QTGAL: variants seen among roughly 807,000 people sequenced by gnomAD.
QTGAL encodes the protein BGnT-like protein 1.
At chr17:83,007,833 A>G in the QTGAL span, among the ~76,000 whole-genome samples, 3 of 152,180 alleles carry the variant, frequency 2.0e-5, no homozygotes, top group Admixed American at 6.5e-5. Context: ...TTAATTAACC[A>G]CGAGCCACGA....
chr17:83,023,883 A>C, the QTGAL span, among the ~76,000 whole-genome samples: 1 of 152,150 alleles, frequency 6.6e-6, no homozygotes, highest in African/African-American at 2.4e-5. Context: ...GGTGGGACAA[A>C]ATGTGTCATC....
At chr17:83,041,874 C>T in the QTGAL span, among the ~76,000 whole-genome samples, 14 of 152,028 alleles carry the variant, frequency 9.2e-5, no homozygotes, top group African/African-American at 2.9e-4. Context: ...AGTCATCTTT[C>T]AAAAATGAAG....
chr17:83,006,675 C>T, the QTGAL span: 20 of 985,472 alleles, frequency 2.0e-5, no homozygotes, highest in South Asian at 4.7e-5. The surrounding 1 kb of genome is among the most constrained non-coding windows in gnomAD (Gnocchi z 5.8). Context: ...GAGCATGATC[C>T]GGGAACGTGC....
the QTGAL span, among the ~76,000 whole-genome samples, chr17:83,012,940 A>C: frequency 6.6e-6 from 1 of 151,730 alleles, no homozygotes; most frequent in South Asian, 2.1e-4. Flanking sequence ...CCCGACAAGC[A>C]GACACTCTCG....
chr17:83,031,503 G>A, the QTGAL span, among the ~76,000 whole-genome samples: 1 of 152,166 alleles, frequency 6.6e-6, no homozygotes, highest in African/African-American at 2.4e-5. Flanking sequence ...GTCCCTCGCA[G>A]GACTGGCGCC....
the QTGAL span, among the ~76,000 whole-genome samples, chr17:83,009,473 G>A: frequency 6.6e-6 from 1 of 152,040 alleles, no homozygotes; most frequent in Non-Finnish European, 1.5e-5. Flanking sequence ...CACACAGAAA[G>A]GAACTGAGAC....
chr17:83,045,502 C>T, the QTGAL span, among the ~76,000 whole-genome samples: 5 of 152,182 alleles, frequency 3.3e-5, no homozygotes, highest in East Asian at 1.9e-4. Context: ...ATAAAATCTT[C>T]GTGACCTTGA....
chr17:82,955,072 T>C, the QTGAL span, among the ~76,000 whole-genome samples: 3 of 152,190 alleles, frequency 2.0e-5, no homozygotes, highest in African/African-American at 7.2e-5. Context: ...GGGCAAGGAC[T>C]TCATGACTAA....
the QTGAL span, among the ~76,000 whole-genome samples, chr17:83,007,922 C>A: frequency 6.6e-6 from 1 of 152,228 alleles, no homozygotes; most frequent in Non-Finnish European, 1.5e-5. Flanking sequence ...AGGCAGCAAG[C>A]TCTCTCCCGT....
the QTGAL span, among the ~76,000 whole-genome samples, chr17:82,961,923 G>T: frequency 6.6e-6 from 1 of 152,150 alleles, no homozygotes; most frequent in Non-Finnish European, 1.5e-5. Context: ...CCTCAGCCCA[G>T]GGCTCTGGGC....
chr17:82,942,382 G>GT, the QTGAL span: 1 of 1,609,010 alleles, frequency 6.2e-7, no homozygotes, highest in Non-Finnish European at 8.5e-7. Context: ...GAGGGGTGAG[G>GT]GTCCCCTGGC....
At chr17:83,037,527 C>G in the QTGAL span, among the ~76,000 whole-genome samples, 1 of 152,152 alleles carries the variant, frequency 6.6e-6, no homozygotes, top group East Asian at 1.9e-4. This position sits in a 1 kb window ranked among gnomAD's most constrained non-coding sequence, Gnocchi z 5.2. Context: ...GGGAGGCGAG[C>G]GCCTGTTCTG....
the QTGAL span, chr17:82,960,954 C>T: frequency 6.9e-7 from 1 of 1,447,862 alleles, no homozygotes; most frequent in Non-Finnish European, 9.2e-7. Flanking sequence ...CAGAGCCTGA[C>T]CACAGCCTCT....
chr17:82,959,331 TGCA>T, the QTGAL span, among the ~76,000 whole-genome samples: 1 of 151,926 alleles, frequency 6.6e-6, no homozygotes, highest in Non-Finnish European at 1.5e-5. Context: ...GCATGTACCG[TGCA>T]GATGTGTGTA....
chr17:82,990,178 T>A, the QTGAL span, among the ~76,000 whole-genome samples: 1 of 152,264 alleles, frequency 6.6e-6, no homozygotes, highest in Non-Finnish European at 1.5e-5. Flanking sequence ...TGCCCTCTTG[T>A]ACAGACCCCA....
chr17:83,000,527 T>A, the QTGAL span, among the ~76,000 whole-genome samples: 1 of 152,046 alleles, frequency 6.6e-6, no homozygotes, highest in African/African-American at 2.4e-5. Flanking sequence ...TTTGTATGCA[T>A]GTTAAGTTTT....
the QTGAL span, among the ~76,000 whole-genome samples, chr17:83,007,972 A>G: frequency 1.3e-5 from 2 of 152,262 alleles, no homozygotes; most frequent in African/African-American, 4.8e-5. Context: ...CGTGGATTCC[A>G]GACAGACCAA....
chr17:83,050,834 T>C, the QTGAL span, among the ~76,000 whole-genome samples: 1 of 149,768 alleles, frequency 6.7e-6, no homozygotes, highest in Non-Finnish European at 1.5e-5. Flanking sequence ...GTGTGTGGGA[T>C]GCGCAGGCAG....
the QTGAL span, among the ~76,000 whole-genome samples, chr17:82,959,080 G>A: frequency 8.3e-5 from 8 of 96,492 alleles, no homozygotes; most frequent in Non-Finnish European, 1.6e-4. Flanking sequence ...GGGGTGTATG[G>A]TGTGTATGTG....
Sources: allele counts gnomAD v4.1 joint callset (sites outside exome capture counted in the v4.1 genomes callset), GRCh38; gene constraint gnomAD v4.1.1; non-coding constraint Gnocchi (gnomAD v3.1); transcripts MANE v1.5; gene names NCBI Gene and HGNC (gene_info 2026-07-23, HGNC 2026-07-21).